Variants in CACNA1C observed in about 807,000 individuals in gnomAD.
CACNA1C encodes the protein voltage-dependent L-type calcium channel subunit alpha-1C.
A neutral mutation model predicts 229.0 loss-of-function variants in CACNA1C; 30 were observed. That is an observed-to-expected ratio of 0.13 (90% CI 0.10 to 0.18). The LOEUF is 0.18. Ranked by LOEUF, CACNA1C falls within the 10% of genes least tolerant of loss-of-function variation. The pLI, the probability that CACNA1C is intolerant of heterozygous loss-of-function variation, is 1.00. For synonymous variants in CACNA1C, 1,114 were observed against 1,132.5 expected (o/e 0.98, Z 0.33); for missense variants, 1,658 against 2,845.0 (o/e 0.58, Z 9.49).
intron 1 of CACNA1C, among the ~76,000 whole-genome samples, chr12:1,979,103 C>A (rs1325567330): frequency 1.3e-5 from 2 of 151,396 alleles, no homozygotes; most frequent in African/African-American, 4.9e-5. Context: ...ACCTCCGCCT[C>A]CCGCGTTCAA....
At chr12:1,970,830 A>G (rs1211338291), upstream of CACNA1C, 3 of 288,464 alleles carry the variant, frequency 1.0e-5, no homozygotes, top group Non-Finnish European at 2.0e-5. Flanking sequence ...TACAAGGTTG[A>G]AAAGAATCAA....
At chr12:2,023,193 T>C (rs746262887) in intron 1 of CACNA1C, among the ~76,000 whole-genome samples, 4 of 152,234 alleles carry the variant, frequency 2.6e-5, no homozygotes, top group Non-Finnish European at 5.9e-5. Context: ...TCGAGTGTTC[T>C]GTCGTTCTGT....
intron 4 of CACNA1C, 116 bp from the exon 5 acceptor site, chr12:2,457,451 C>T: frequency 9.0e-7 from 1 of 1,116,042 alleles, no homozygotes; most frequent in Non-Finnish European, 1.3e-6. Context: ...ACGCCCGCCC[C>T]TGGGCTGGAG....
At chr12:2,581,097 T>C (rs7299658) in intron 13 of CACNA1C, among the ~76,000 whole-genome samples, 129,809 of 152,148 alleles carry the variant, frequency 0.85, 55,473 homozygotes, top group East Asian at 0.94. Flanking sequence ...GCATTCATGG[T>C]GGGGGAAAAA....
intron 3 of CACNA1C, among the ~76,000 whole-genome samples, chr12:2,163,704 C>G (rs949187674): frequency 1.2e-4 from 19 of 152,296 alleles, no homozygotes; most frequent in African/African-American, 4.6e-4. Flanking sequence ...CTCCCCCGCT[C>G]CCTGGATTTT....
rs187610677 is a variant in CACNA1C, at chr12:2,617,973, G to A, written c.3828+5960G>A. ...TGGCCTCTTTGGGCAAATAGCTTTC[G>A]TCACATGACCCGAAGATACTGTGGT... On this transcript the variant is annotated intron_variant, in intron 29 of 46. Transcript: ENST00000399655. 1.4e-4 allele frequency among the ~76,000 whole-genome samples: 22 copies of A among 152,328 alleles called. No homozygotes were observed. In the East Asian group the frequency reaches 3.7e-3, roughly 25 times the overall value.
At chr12:2,167,128 A>G (rs1566096511) in intron 3 of CACNA1C, among the ~76,000 whole-genome samples, 1 of 152,158 alleles carries the variant, frequency 6.6e-6, no homozygotes, top group Non-Finnish European at 1.5e-5. Flanking sequence ...AAAATGAACC[A>G]CTCCCTACTC....
At chr12:2,363,256 G>T (rs1233791630) in intron 3 of CACNA1C, among the ~76,000 whole-genome samples, 1 of 152,210 alleles carries the variant, frequency 6.6e-6, no homozygotes, top group African/African-American at 2.4e-5. Flanking sequence ...CTGATCAGGG[G>T]CCTGCTTCTC....
intron 5 of CACNA1C, among the ~76,000 whole-genome samples, chr12:2,482,546 A>G (rs186244107): frequency 1.3e-5 from 2 of 152,312 alleles, no homozygotes; most frequent in East Asian, 1.9e-4. Context: ...GAATGATCCA[A>G]TAGAGTGCTG....
intron 6 of CACNA1C, among the ~76,000 whole-genome samples, chr12:2,489,028 T>C (rs2154571071): frequency 6.6e-6 from 1 of 152,298 alleles, no homozygotes; most frequent in East Asian, 1.9e-4. Flanking sequence ...ACCAAATACT[T>C]GCAGGCTTTG....
chr12:2,174,437 G>A (rs55884343), intron 3 of CACNA1C, among the ~76,000 whole-genome samples: 5,767 of 152,242 alleles, frequency 0.038, 179 homozygotes, highest in South Asian at 0.08. Context: ...ATTTTAAAAT[G>A]ATTTTATAAC....
intron 3 of CACNA1C, among the ~76,000 whole-genome samples, chr12:2,283,733 A>T (rs1302737506): frequency 6.6e-6 from 1 of 152,188 alleles, no homozygotes; most frequent in Non-Finnish European, 1.5e-5. Flanking sequence ...TGCATTTGGA[A>T]CAAGCTCCCA....
At chr12:2,408,753 T>C (rs2098768341) in intron 3 of CACNA1C, among the ~76,000 whole-genome samples, 1 of 152,246 alleles carries the variant, frequency 6.6e-6, no homozygotes, top group Non-Finnish European at 1.5e-5. Context: ...TGTCCACATT[T>C]CATTTCTTTT....
rs1017213818 is a variant in CACNA1C, at chr12:2,346,091, C to T, written c.478-102885C>T. On this transcript the variant is annotated intron_variant, in intron 3 of 46. Transcript: ENST00000399655. The surrounding 1 kb of genome is among the most constrained non-coding windows in gnomAD (Gnocchi z 4.4). Reference sequence around the variant, plus strand: ...AGCCTCTGTGTTCCATTTAGAACCGCTGAAGCTCCCCAGGTGCACCAGGAG... The same window carrying T: ...AGCCTCTGTGTTCCATTTAGAACCGTTGAAGCTCCCCAGGTGCACCAGGAG... 6.6e-6 allele frequency among the ~76,000 whole-genome samples: 1 copy of T among 152,200 alleles called. No homozygotes were observed. The highest frequency in any genetic ancestry group is 1.5e-5 in the Non-Finnish European group (1 of 68,034).
At position 2,651,946 on chromosome 12, in the gene CACNA1C, G is replaced by A. The variant is rs2095035256; in HGVS notation, c.4074+178G>A. ...GCACCGAGAGGCCTAGACGAAGCAT[G>A]TGGTTTCCAAGGCAGGCTCAGAGCC... On this transcript the variant is annotated intron_variant, in intron 32 of 46. Transcript: ENST00000399655. This position sits in a 1 kb window ranked among gnomAD's most constrained non-coding sequence, Gnocchi z 5.4. 6.6e-6 allele frequency among the ~76,000 whole-genome samples: 1 copy of A among 152,044 alleles called. No individual in the cohort carries two copies. Among genetic ancestry groups the A allele is most frequent in the African/African-American group, 2.4e-5 (1 of 41,390 alleles).
chr12:2,179,739 CTAA>C (rs2096774640), intron 3 of CACNA1C, among the ~76,000 whole-genome samples: 1 of 152,130 alleles, frequency 6.6e-6, no homozygotes, highest in African/African-American at 2.4e-5. Flanking sequence ...ACAAAGTTTC[CTAA>C]TAATGACCAC....
intron 18 of CACNA1C, among the ~76,000 whole-genome samples, chr12:2,592,776 G>C (rs369213295): frequency 6.7e-6 from 1 of 150,062 alleles, no homozygotes; most frequent in Non-Finnish European, 1.5e-5. Flanking sequence ...ACTTCCAAGA[G>C]TGAGGTTATT....
At chr12:2,046,075 A>G (rs1282865364) in intron 1 of CACNA1C, among the ~76,000 whole-genome samples, 1 of 152,102 alleles carries the variant, frequency 6.6e-6, no homozygotes, top group Non-Finnish European at 1.5e-5. Flanking sequence ...TCTCCCTGAG[A>G]GCCACTGCAG....
chr12:2,198,317 A>AGAGGCGGCTTCTGAG (rs2097478295), intron 3 of CACNA1C, among the ~76,000 whole-genome samples: 1 of 152,096 alleles, frequency 6.6e-6, no homozygotes, highest in South Asian at 2.1e-4. Flanking sequence ...CTCCCCCCGG[A>AGAGGCGGCTTCTGAG]GAGGCGGCTT....
Sources: allele counts gnomAD v4.1 joint callset (sites outside exome capture counted in the v4.1 genomes callset), GRCh38; gene constraint gnomAD v4.1.1; non-coding constraint Gnocchi (gnomAD v3.1); transcripts MANE v1.5; gene names NCBI Gene and HGNC (gene_info 2026-07-23, HGNC 2026-07-21).